The following GGTA1 variants were observed in gnomAD, a reference collection of about 807,000 sequenced individuals.
The protein encoded by GGTA1 is inactive N-acetyllactosaminide alpha-1,3-galactosyltransferase.
Under a neutral mutation model 2.6 loss-of-function variants are expected in GGTA1, and 5 were observed. That is an observed-to-expected ratio of 1.92 (90% CI 1.00 to 4.04). The LOEUF is 4.04. Among genes scored for constraint, GGTA1 ranks in the 30% most tolerant of loss-of-function variants. The pLI is 0.00. For missense variants in GGTA1, 50 were observed against 16.7 expected (o/e 2.99, Z -3.47); for synonymous variants, 17 against 5.0 (o/e 3.38, Z -3.19).
intron 2 of GGTA1, among the ~76,000 whole-genome samples, chr9:121,467,485 T>C (rs2065013272): frequency 6.6e-6 from 1 of 152,258 alleles, no homozygotes; most frequent in African/African-American, 2.4e-5. Flanking sequence ...GGTGGATTTC[T>C]CATGGAATTC....
chr9:121,494,392 A>T (rs1480505042), intron 1 of GGTA1: 1 of 152,254 alleles, frequency 6.6e-6, no homozygotes, highest in Non-Finnish European at 1.5e-5. Context: ...CACGTGACAG[A>T]GGTCTGTGGT....
chr9:121,470,863 G>A (rs778066767), intron 1 of GGTA1, among the ~76,000 whole-genome samples: 4 of 152,248 alleles, frequency 2.6e-5, no homozygotes, highest in African/African-American at 4.8e-5. Flanking sequence ...GATTTTCAGG[G>A]AGACTGATTT....
At chr9:121,457,910 A>G (rs1187280546) in intron 5 of GGTA1, among the ~76,000 whole-genome samples, 1 of 122,898 alleles carries the variant, frequency 8.1e-6, no homozygotes, top group Admixed American at 7.9e-5. Flanking sequence ...AGAAAAGGAT[A>G]CTTTTTTTTT....
intron 1 of GGTA1, among the ~76,000 whole-genome samples, chr9:121,496,191 A>G (rs1410208873): frequency 1.2e-4 from 19 of 152,206 alleles, no homozygotes; most frequent in African/African-American, 4.6e-4. Flanking sequence ...TGCTGCAGCC[A>G]TGCTGCATAA....
chr9:121,480,508 G>A (rs892144561), intron 1 of GGTA1, among the ~76,000 whole-genome samples: 6 of 152,084 alleles, frequency 3.9e-5, no homozygotes, highest in Non-Finnish European at 7.4e-5. Flanking sequence ...ATCCTCCCAC[G>A]TGGCTGAGAC....
chr9:121,486,702 T>C (rs557980642), intron 1 of GGTA1, among the ~76,000 whole-genome samples: 4 of 152,226 alleles, frequency 2.6e-5, no homozygotes, highest in Non-Finnish European at 5.9e-5. Context: ...TGTGCCTCAG[T>C]TTCCTCCCTT....
chr9:121,487,700 T>A (rs897801483), intron 1 of GGTA1, among the ~76,000 whole-genome samples: 4 of 152,136 alleles, frequency 2.6e-5, no homozygotes, highest in Non-Finnish European at 4.4e-5. Context: ...GCAGAAAGGA[T>A]GTCTTTACAA....
intron 7 of GGTA1, among the ~76,000 whole-genome samples, chr9:121,448,298 T>G (rs1242076775): frequency 6.6e-6 from 1 of 152,054 alleles, no homozygotes; most frequent in East Asian, 1.9e-4. Flanking sequence ...GATACAAGGG[T>G]GATGTGACCC....
intron 3 of GGTA1, 70 bp from the exon 4 acceptor site, chr9:121,461,387 C>A: frequency 4.8e-6 from 2 of 420,714 alleles, no homozygotes; most frequent in South Asian, 3.4e-5. Flanking sequence ...TTTCCAAATT[C>A]TTTCTATAGC....
At chr9:121,484,324 T>C (rs1828712271) in intron 1 of GGTA1, among the ~76,000 whole-genome samples, 1 of 152,158 alleles carries the variant, frequency 6.6e-6, no homozygotes, top group Non-Finnish European at 1.5e-5. Flanking sequence ...GCAAGGAGAT[T>C]GTGGGAGAGT....
At chr9:121,475,538 T>C (rs1216255984) in intron 1 of GGTA1, among the ~76,000 whole-genome samples, 2 of 152,204 alleles carry the variant, frequency 1.3e-5, no homozygotes, top group South Asian at 4.2e-4. Flanking sequence ...ACACAAGTGT[T>C]TGGGGTGAAC....
At chr9:121,488,097 A>ATGTG (rs1024351765) in intron 1 of GGTA1, among the ~76,000 whole-genome samples, 1 of 139,308 alleles carries the variant, frequency 7.2e-6, no homozygotes, top group South Asian at 2.5e-4. Flanking sequence ...CAGGTTGTGG[A>ATGTG]TGTGTGTGTG....
At chr9:121,451,527 C>T (rs1019962505), downstream of GGTA1, among the ~76,000 whole-genome samples, 2 of 152,134 alleles carry the variant, frequency 1.3e-5, no homozygotes, top group Admixed American at 6.5e-5. Flanking sequence ...AGTTTTTCTG[C>T]GTCATATGTT....
intron 1 of GGTA1, among the ~76,000 whole-genome samples, chr9:121,480,449 C>T (rs949447284): frequency 1.2e-4 from 18 of 152,276 alleles, no homozygotes; most frequent in South Asian, 6.2e-4. Flanking sequence ...ACAGAGCACA[C>T]GGAGTCCTTT....
chr9:121,451,460 C>T (rs1401201688), downstream of GGTA1, among the ~76,000 whole-genome samples: 8 of 152,206 alleles, frequency 5.3e-5, no homozygotes, highest in Admixed American at 5.2e-4. Context: ...GCTGGGATTA[C>T]AGATGTGAGC....
At chr9:121,473,552 C>T (rs1175488269) in intron 1 of GGTA1, among the ~76,000 whole-genome samples, 10 of 152,106 alleles carry the variant, frequency 6.6e-5, no homozygotes, top group Non-Finnish European at 1.5e-4. Flanking sequence ...AAAAGTTCTT[C>T]CCTTGTGTGT....
intron 1 of GGTA1, among the ~76,000 whole-genome samples, chr9:121,490,412 G>C (rs994532000): frequency 1.1e-4 from 16 of 152,310 alleles, no homozygotes; most frequent in African/African-American, 3.8e-4. Flanking sequence ...CCCTCCCTCA[G>C]CTGTGGCCCT....
At chr9:121,459,018 G>C (rs529105669) in intron 5 of GGTA1, among the ~76,000 whole-genome samples, 2 of 152,294 alleles carry the variant, frequency 1.3e-5, no homozygotes, top group South Asian at 4.1e-4. Flanking sequence ...TGCCTACCCT[G>C]TTGTGCAGAT....
intron 5 of GGTA1, 143 bp downstream of exon 5, chr9:121,459,961 A>G (rs1023370353): frequency 2.7e-6 from 1 of 370,326 alleles, no homozygotes; most frequent in African/African-American, 2.1e-5. Flanking sequence ...ACATATACAT[A>G]TGTCTACTGT....
Sources: gnomAD v4.1 joint callset for allele counts (sites outside exome capture counted in the v4.1 genomes callset) on GRCh38, gnomAD v4.1.1 for gene constraint, MANE v1.5 for transcripts, NCBI Gene and HGNC (gene_info 2026-07-23, HGNC 2026-07-21) for gene names.